The following TNNI3K variants were observed in gnomAD, a reference collection of about 807,000 sequenced individuals.
The protein encoded by TNNI3K is serine/threonine-protein kinase TNNI3K.
A neutral mutation model predicts 114.5 loss-of-function variants in TNNI3K; 140 were observed. The ratio of observed to expected loss-of-function variants is 1.22; its 90% CI spans 1.07 to 1.41. The LOEUF (loss-of-function observed/expected upper bound fraction) is 1.41, where lower values mean the gene tolerates loss of function less well. Ranked by LOEUF, TNNI3K falls within the 40% of genes most tolerant of loss-of-function variation. The pLI is 0.00. For synonymous variants in TNNI3K, 347 were observed against 347.5 expected (o/e 1.00, Z 0.02); for missense variants, 1,125 against 1,007.6 (o/e 1.12, Z -1.58).
At chr1:74,434,491 G>A (rs1666034217) in intron 17 of TNNI3K, among the ~76,000 whole-genome samples, 1 of 151,768 alleles carries the variant, frequency 6.6e-6, no homozygotes, top group Admixed American at 6.6e-5. Context: ...TAAAGTCTCA[G>A]CACATATTTA....
rs200526641 is a variant in TNNI3K at position 74,391,406 on chromosome 1, TTTTG to T, written c.1772+21025_1772+21028del. On this transcript the variant is annotated intron_variant, in intron 17 of 24. Transcript: ENST00000326637. ...GAGAGAAAGCAATGGATTTGGTGGG[TTTTG>T]TTTGTTTGTTCGTTTAGGTAGAGTG... 6.5e-3 allele frequency among the ~76,000 whole-genome samples: 990 copies of T among 151,976 alleles called. 10 individuals carry two copies. The highest frequency in any genetic ancestry group is 0.022 in the African/African-American group (931 of 41,444).
At chr1:74,530,723 GTTT>G (rs34494942) in intron 23 of TNNI3K, among the ~76,000 whole-genome samples, 3 of 142,196 alleles carry the variant, frequency 2.1e-5, no homozygotes, top group African/African-American at 5.2e-5. Flanking sequence ...AACTCAAAAA[GTTT>G]TTTTTTTTTT....
At chr1:74,423,823 A>G (rs1387629129) in intron 17 of TNNI3K, among the ~76,000 whole-genome samples, 2 of 152,128 alleles carry the variant, frequency 1.3e-5, no homozygotes, top group African/African-American at 2.4e-5. Flanking sequence ...TAATAATTAT[A>G]TATCTCATTG....
chr1:74,340,350 A>G lies in TNNI3K; in HGVS notation c.683-2492A>G, dbSNP rs529270154. Among the ~76,000 whole-genome samples, 8 of 152,266 alleles carry G rather than the reference A, an allele frequency of 5.3e-5. No individual in the cohort carries two copies. The South Asian group carries it at 1.7e-3, about 32-fold the overall frequency. On this transcript the variant is annotated intron_variant, in intron 7 of 24. Coordinates refer to ENST00000326637, the MANE Select transcript of TNNI3K (RefSeq NM_015978.3). ...TTATATGTTTCTCAATAAGATGCTA[A>G]GTTAGAGCAAATAGAATGTTATTCA...
At chr1:74,297,866 C>T (rs998619058) in intron 5 of TNNI3K, among the ~76,000 whole-genome samples, 6 of 152,134 alleles carry the variant, frequency 3.9e-5, no homozygotes, top group African/African-American at 1.2e-4. Flanking sequence ...AATCATAAAC[C>T]CATCCAGTTT....
chr1:74,287,143 C>A (rs759231291), intron 5 of TNNI3K, among the ~76,000 whole-genome samples: 1 of 151,692 alleles, frequency 6.6e-6, no homozygotes, highest in South Asian at 2.1e-4. Flanking sequence ...AGGAAAAAAA[C>A]AGGTCATTTG....
intron 21 of TNNI3K, chr1:74,475,497 G>A (rs1256842159): frequency 2.8e-6 from 2 of 716,862 alleles, no homozygotes; most frequent in African/African-American, 1.7e-5. Flanking sequence ...CTACCCCACG[G>A]TCTTTCTTTT....
chr1:74,277,981 C>A (rs1326629140), intron 5 of TNNI3K, among the ~76,000 whole-genome samples: 1 of 152,164 alleles, frequency 6.6e-6, no homozygotes, highest in South Asian at 2.1e-4. Context: ...TGTTTCAGTT[C>A]ATTCTTTACT....
chr1:74,521,755 C>G (rs1470450880), intron 23 of TNNI3K, among the ~76,000 whole-genome samples: 2 of 152,164 alleles, frequency 1.3e-5, no homozygotes, highest in Admixed American at 1.3e-4. Context: ...CACAGGGTCT[C>G]ATAAATGAAT....
intron 5 of TNNI3K, among the ~76,000 whole-genome samples, chr1:74,323,743 A>G (rs1340490178): frequency 6.6e-6 from 1 of 152,152 alleles, no homozygotes; most frequent in East Asian, 1.9e-4. Context: ...ATCTATAGCT[A>G]TCACTTCTGG....
chr1:74,309,688 A>G (rs1486373490), intron 5 of TNNI3K, among the ~76,000 whole-genome samples: 1 of 152,184 alleles, frequency 6.6e-6, no homozygotes, highest in African/African-American at 2.4e-5. Flanking sequence ...CACCACCTAA[A>G]CAGAATTGAC....
intron 23 of TNNI3K, among the ~76,000 whole-genome samples, chr1:74,515,890 C>T (rs1490194872): frequency 1.3e-5 from 2 of 152,196 alleles, no homozygotes; most frequent in African/African-American, 2.4e-5. Flanking sequence ...ACCTGCCAAC[C>T]TAATGCCCCA....
intron 17 of TNNI3K, among the ~76,000 whole-genome samples, chr1:74,398,784 C>T (rs1664211931): frequency 6.6e-6 from 1 of 152,096 alleles, no homozygotes; most frequent in African/African-American, 2.4e-5. Context: ...ATGGGATTAC[C>T]ACACCCCTTG....
chr1:74,463,697 G>A, intron 21 of TNNI3K, 147 bp downstream of exon 21: 1 of 825,720 alleles, frequency 1.2e-6, no homozygotes, highest in Non-Finnish European at 1.9e-6. Flanking sequence ...GTCTCTAATT[G>A]CCTCAAGAAG....
intron 5 of TNNI3K, among the ~76,000 whole-genome samples, chr1:74,307,046 G>A (rs904057282): frequency 3.3e-5 from 5 of 152,104 alleles, no homozygotes; most frequent in South Asian, 2.1e-4. Context: ...TGCAGTGAGA[G>A]GTAAACGTCC....
intron 5 of TNNI3K, among the ~76,000 whole-genome samples, chr1:74,326,059 G>A (rs1047673142): frequency 1.3e-5 from 2 of 152,066 alleles, no homozygotes; most frequent in Non-Finnish European, 2.9e-5. Context: ...TAAGCAAACT[G>A]TAAATCTTAA....
chr1:74,297,108 A>T (rs1023092749), intron 5 of TNNI3K, among the ~76,000 whole-genome samples: 4 of 151,312 alleles, frequency 2.6e-5, no homozygotes, highest in Non-Finnish European at 4.4e-5. Flanking sequence ...AATTTTAGAA[A>T]TTTTTTACAC....
At chr1:74,464,782 T>C in intron 21 of TNNI3K, 1 of 1,536,306 alleles carries the variant, frequency 6.5e-7, no homozygotes, top group Non-Finnish European at 8.8e-7. Flanking sequence ...GTTACATGTT[T>C]ATTTGTTTAG....
intron 4 of TNNI3K, among the ~76,000 whole-genome samples, chr1:74,267,393 G>A (rs1363647077): frequency 1.3e-5 from 2 of 151,986 alleles, no homozygotes; most frequent in African/African-American, 4.8e-5. Context: ...ACTCGATCAG[G>A]AAAACCACTA....
Sources: allele counts gnomAD v4.1 joint callset (sites outside exome capture counted in the v4.1 genomes callset), GRCh38; gene constraint gnomAD v4.1.1; transcripts MANE v1.5; gene names NCBI Gene and HGNC (gene_info 2026-07-23, HGNC 2026-07-21).